Variants in CSMD1 observed in about 807,000 individuals in gnomAD.
CSMD1 encodes CUB and sushi domain-containing protein 1.
Under a neutral mutation model 417.5 loss-of-function variants are expected in CSMD1, and 213 were observed. That is an observed-to-expected ratio of 0.51 (90% CI 0.46 to 0.57). CSMD1 has a LOEUF of 0.57. Ranked by LOEUF, CSMD1 falls within the 20% of genes least tolerant of loss-of-function variation. The probability of loss-of-function intolerance (pLI) is 0.00; values close to 1 mark genes in which losing one functional copy is unlikely to be tolerated. For missense variants in CSMD1, 6,923 were observed against 4,529.7 expected, an observed-to-expected ratio of 1.53 and a Z score of -15.17; for synonymous variants, 2,862 against 1,736.8, an observed-to-expected ratio of 1.65 and a Z score of -16.11.
intron 7 of CSMD1, among the ~76,000 whole-genome samples, chr8:3,625,759 A>G (rs1036903614): frequency 2.6e-5 from 4 of 152,148 alleles, no homozygotes; most frequent in Admixed American, 1.3e-4. Flanking sequence ...CTATGATCTC[A>G]GTAGTTTTGA....
chr8:4,267,556 G>C (rs186781597), intron 3 of CSMD1, among the ~76,000 whole-genome samples: 180 of 151,904 alleles, frequency 1.2e-3, no homozygotes, highest in South Asian at 2.5e-3. Flanking sequence ...AATAGAAATA[G>C]CAATGGTCAC....
At chr8:3,478,947 T>A (rs1349220122) in intron 11 of CSMD1, among the ~76,000 whole-genome samples, 1 of 151,686 alleles carries the variant, frequency 6.6e-6, no homozygotes, top group Non-Finnish European at 1.5e-5. Flanking sequence ...GCGGAATAGG[T>A]GACGGGGCAC....
chr8:4,070,474 C>A (rs1392669532), intron 3 of CSMD1, among the ~76,000 whole-genome samples: 1 of 152,180 alleles, frequency 6.6e-6, no homozygotes, highest in Non-Finnish European at 1.5e-5. Flanking sequence ...TCTCCCACCT[C>A]AGCCTCCCGA....
At chr8:3,968,927 G>C (rs1223017406) in intron 5 of CSMD1, among the ~76,000 whole-genome samples, 1 of 152,108 alleles carries the variant, frequency 6.6e-6, no homozygotes, top group East Asian at 1.9e-4. Flanking sequence ...AAGTTTTCAA[G>C]GCATTGAAAC....
At chr8:4,237,368 T>G (rs1000943777) in intron 3 of CSMD1, among the ~76,000 whole-genome samples, 1 of 152,036 alleles carries the variant, frequency 6.6e-6, no homozygotes, top group Non-Finnish European at 1.5e-5. Flanking sequence ...TTTCTGAGAC[T>G]CAGTTTCCGT....
chr8:4,334,866 G>T (rs1218192825), intron 3 of CSMD1, among the ~76,000 whole-genome samples: 4 of 152,022 alleles, frequency 2.6e-5, no homozygotes, highest in African/African-American at 9.7e-5. Flanking sequence ...CTGGAGGCTG[G>T]GAAGTCCAAG....
At position 2,954,262 on chromosome 8, in the gene CSMD1, C is replaced by A. The variant is rs1802841602; in HGVS notation, c.10001G>T (p.Gly3334Val). 1.4e-6 allele frequency: 2 copies of A among 1,479,214 alleles called. No homozygotes were observed. Among genetic ancestry groups the A allele is most frequent in the Admixed American group, 2.1e-5 (1 of 47,486 alleles). The allele number at this position is 1,479,214 out of a possible 1,614,324, so 91.6% of individuals were successfully genotyped here. Residue 3334 changes from glycine (G) to valine (V), a missense_variant, in exon 65 of 70, where the codon GGA (glycine) becomes GTA (valine). Coordinates refer to ENST00000635120, the MANE Select transcript of CSMD1 (RefSeq NM_033225.6). ...AACTGTTTCATTAACTTCTCTCACT[C>A]CTTTACCTACAAGTAAAAAGACAAA... Reference protein sequence around the residue: ...TGKSPVCKSKGVREVNETVTK... With the variant: ...TGKSPVCKSKVVREVNETVTK...
intron 6 of CSMD1, among the ~76,000 whole-genome samples, chr8:3,726,396 GTC>G (rs1326167662): frequency 6.6e-6 from 1 of 152,180 alleles, no homozygotes; most frequent in Non-Finnish European, 1.5e-5. Flanking sequence ...TATAATATAA[GTC>G]TCTATAATTA....
intron 49 of CSMD1, among the ~76,000 whole-genome samples, chr8:3,058,820 A>G (rs567828356): frequency 2.2e-4 from 33 of 152,152 alleles, no homozygotes; most frequent in African/African-American, 7.0e-4. Flanking sequence ...CACCTGCTAT[A>G]TAATTCCCCT....
chr8:3,873,581 T>A (rs1020258728), intron 5 of CSMD1, among the ~76,000 whole-genome samples: 2 of 151,914 alleles, frequency 1.3e-5, no homozygotes, highest in African/African-American at 2.4e-5. Context: ...AGGGAGAGCA[T>A]CAGCAAAAAT....
chr8:4,453,272 C>T (rs1055403479), intron 2 of CSMD1, among the ~76,000 whole-genome samples: 4 of 151,500 alleles, frequency 2.6e-5, no homozygotes, highest in South Asian at 4.2e-4. Context: ...CCTAATGTAA[C>T]CAAAACATGA....
intron 5 of CSMD1, among the ~76,000 whole-genome samples, chr8:3,896,496 ATAT>A (rs1807375067): frequency 6.6e-6 from 1 of 151,836 alleles, no homozygotes; most frequent in South Asian, 2.1e-4. Flanking sequence ...AAGGTCTTGA[ATAT>A]TATTACTATT....
At chr8:4,200,438 G>A (rs190292441) in intron 3 of CSMD1, among the ~76,000 whole-genome samples, 7 of 152,012 alleles carry the variant, frequency 4.6e-5, no homozygotes, top group Non-Finnish European at 1.0e-4. Flanking sequence ...CCCCACAGCC[G>A]TCTACTCAAC....
intron 1 of CSMD1, among the ~76,000 whole-genome samples, chr8:4,956,243 C>T (rs997119960): frequency 2.9e-5 from 4 of 136,456 alleles, no homozygotes; most frequent in South Asian, 2.3e-4. Flanking sequence ...CCTCCTTACT[C>T]GCTATTTTTT....
intron 2 of CSMD1, among the ~76,000 whole-genome samples, chr8:4,578,089 C>T (rs1346369877): frequency 1.3e-5 from 2 of 152,152 alleles, no homozygotes; most frequent in Admixed American, 1.3e-4. Context: ...CCCGAGTTAG[C>T]TCAGAGCTGC....
intron 12 of CSMD1, among the ~76,000 whole-genome samples, chr8:3,453,245 T>G (rs1294001877): frequency 6.6e-6 from 1 of 152,104 alleles, no homozygotes; most frequent in African/African-American, 2.4e-5. Context: ...TCAATTTTGT[T>G]GATCTTTTCA....
chr8:3,461,343 G>T (rs956908504), intron 12 of CSMD1, among the ~76,000 whole-genome samples: 4 of 152,342 alleles, frequency 2.6e-5, no homozygotes, highest in South Asian at 2.1e-4. Context: ...AGCCAGCTTG[G>T]AGAGTATGCT....
At chr8:3,038,446 T>G (rs1488527956) in intron 50 of CSMD1, among the ~76,000 whole-genome samples, 2 of 152,260 alleles carry the variant, frequency 1.3e-5, no homozygotes, top group Non-Finnish European at 2.9e-5. Context: ...TTGGGCTTAA[T>G]TGTAAAAGCA....
rs1332439677 is a variant in CSMD1 at position 2,942,339 on chromosome 8, AT to A, written c.10535+132del. ...ACCCCGGAACTCAAAATAAAAGTTG[AT>A]TTAAAAAAAAAAAAAGAACATTGCA... On this transcript the variant is annotated intron_variant, in intron 69 of 69. Transcript: ENST00000635120. 35 of 860,236 alleles carry A rather than the reference AT, an allele frequency of 4.1e-5. No individual in the cohort carries two copies. In the East Asian group the frequency reaches 7.4e-4, roughly 18 times the overall value. 53.3% of individuals were successfully genotyped at this position (860,236 alleles called of 1,614,324 possible).
Sources: gnomAD v4.1 joint callset for allele counts (sites outside exome capture counted in the v4.1 genomes callset) on GRCh38, gnomAD v4.1.1 for gene constraint, MANE v1.5 for transcripts, NCBI Gene and HGNC (gene_info 2026-07-23, HGNC 2026-07-21) for gene names.